The following ACAP1 variants were observed in gnomAD, a reference collection of about 807,000 sequenced individuals.
ACAP1 encodes the protein ArfGAP with coiled-coil, ankyrin repeat and PH domains 1, also known as arf-GAP with coiled-coil, ANK repeat and PH domain-containing protein 1.
ACAP1 carries 45 observed loss-of-function variants against 98.8 expected under a neutral mutation model. That is an observed-to-expected ratio of 0.46 (90% confidence interval 0.36 to 0.58). The LOEUF (loss-of-function observed/expected upper bound fraction) is 0.58. Ranked by LOEUF, ACAP1 falls within the 20% of genes least tolerant of loss-of-function variation. The pLI is 0.00. For synonymous variants in ACAP1, 362 were observed against 375.3 expected, an observed-to-expected ratio of 0.96 and a Z score of 0.41; for missense variants, 735 against 971.4, an observed-to-expected ratio of 0.76 and a Z score of 3.24.
rs201365920 is a variant in ACAP1, at chr17:7,346,358, G to C, written c.907-33G>C. The C allele has an allele frequency of 1.2e-5, 20 of 1,613,862 alleles. No individual in the cohort carries two copies. The East Asian group carries it at 4.2e-4, about 34-fold the overall frequency. On this transcript the variant is annotated intron_variant, in intron 11 of 21. Coordinates refer to ENST00000158762, the MANE Select transcript of ACAP1 (RefSeq NM_014716.4). ...GAGACTCAGCTCTTGCCTGCAGCTG[G>C]ACATCTGGCCCCTTATCACCTTATC... is the stretch of plus-strand genomic sequence containing the variant.
Position 7,350,295 on chromosome 17 carries a change from C to CGA in ACAP1, c.2072+58_2072+59insGA. On this transcript the variant is annotated intron_variant, in intron 20 of 21. Coordinates refer to ENST00000158762, the MANE Select transcript of ACAP1 (RefSeq NM_014716.4). The surrounding 1 kb of genome is among the most constrained non-coding windows in gnomAD (Gnocchi z 4.6). ...GGGACTCCCCCCACCCCCGCCCACCCACGTTCGGGCGGGCGGGCGGGGCTG... is the reference window on the plus strand; with the variant it reads ...GGGACTCCCCCCACCCCCGCCCACCCGAACGTTCGGGCGGGCGGGCGGGGCTG... 7.0e-7 allele frequency: 1 copy of CGA among 1,431,756 alleles called. No homozygotes were observed. Among genetic ancestry groups the CGA allele is most frequent in the Non-Finnish European group, 9.7e-7 (1 of 1,031,300 alleles). 88.7% of individuals were successfully genotyped at this position (1,431,756 alleles called of 1,614,324 possible).
In ACAP1 at chr17:7,350,354, G is replaced by T; in HGVS notation, c.2072+117G>T. The T allele has an allele frequency of 1.2e-6, 1 of 831,250 alleles. No homozygotes were observed. The highest frequency in any genetic ancestry group is 1.7e-5 in the African/African-American group (1 of 57,996). The allele number at this position is 831,250 out of a possible 1,614,324, so 51.5% of individuals were successfully genotyped here. A position where few individuals can be genotyped will look rare whatever the true frequency, so the allele number is the denominator to read the frequency against. On this transcript the variant is annotated intron_variant, in intron 20 of 21. Transcript: ENST00000158762. This position sits in a 1 kb window ranked among gnomAD's most constrained non-coding sequence, Gnocchi z 4.6. ...ACAGAAGCCTGTGCTGTGGGGCCTCGGAAAGGGGCTGGGCCAGCGCCGGGG... is the reference window on the plus strand; with the variant it reads ...ACAGAAGCCTGTGCTGTGGGGCCTCTGAAAGGGGCTGGGCCAGCGCCGGGG...
In ACAP1 at chr17:7,344,149, C is replaced by A. The variant is rs1183297034; in HGVS notation, c.744+26C>A. On this transcript the variant is annotated intron_variant, in intron 9 of 21. Transcript: ENST00000158762. This position sits in a 1 kb window ranked among gnomAD's most constrained non-coding sequence, Gnocchi z 4.9. ...GTGAGGGGCCAGGTGCGGTGGCCCA[C>A]GACCGTCATCCCAACATGTTGGGAG... 6 of 1,553,028 alleles carry A rather than the reference C, an allele frequency of 3.9e-6. No individual in the cohort carries two copies. The highest frequency in any genetic ancestry group is 5.2e-6 in the Non-Finnish European group (6 of 1,147,584).
Position 7,351,395 on chromosome 17 carries a change from A to G in ACAP1, c.2223A>G (p.Ter741TrpextTer?). 2 of 1,608,416 alleles carry G rather than the reference A, an allele frequency of 1.2e-6. No individual in the cohort carries two copies. The highest frequency in any genetic ancestry group is 1.7e-6 in the Non-Finnish European group (2 of 1,177,280). ...GCAGTCATGACCTCCACACGCTGTG[A>G]CCCGAGGCCCACGGGGCCCGCGCCT... ...SRRSHDLHTL* is the reference protein window; with the variant it reads ...SRRSHDLHTLW The change falls in exon 22 of 22, where the codon TGA becomes TGG. Residue 741 changes from the stop codon to tryptophan (W), a stop_lost. Transcript: ENST00000158762.
chr17:7,342,380 T>C (rs377473814), intron 4 of ACAP1, 36 bp from the exon 5 acceptor site: 3 of 1,613,600 alleles, frequency 1.9e-6, no homozygotes, highest in South Asian at 2.2e-5. Context: ...TCACCTGTGG[T>C]CCTGACCCCA....
chr17:7,343,987 G>C lies in ACAP1; in HGVS notation c.669+31G>C. On this transcript the variant is annotated intron_variant, in intron 8 of 21. Transcript: ENST00000158762. This position sits in a 1 kb window ranked among gnomAD's most constrained non-coding sequence, Gnocchi z 4.9. ...GCCCCAGGGCACAGCAGGTGGTAGA[G>C]GGAGGTTAGGGACTCCTAACTGGGG... 1 of 1,574,496 alleles carries C rather than the reference G, an allele frequency of 6.4e-7. No homozygotes were observed. Among genetic ancestry groups the C allele is most frequent in the Non-Finnish European group, 8.6e-7 (1 of 1,159,360 alleles).
Position 7,337,313 on chromosome 17 carries a change from G to A in ACAP1, c.55G>A (p.Ala19Thr), listed in dbSNP as rs140252396. 1.2e-4 allele frequency: 190 copies of A among 1,614,040 alleles called. No homozygotes were observed. In the African/African-American group the frequency reaches 1.8e-3, roughly 15 times the overall value. ...TTCCCATGACCCCCTCTTTCCCAGA[G>A]CCTCTATTGAGCTGGTGGAAGCCGA... ...ECLKDSPRFR[A>T]SIELVEAEVS... Residue 19 changes from alanine to threonine, a missense_variant and splice_region_variant, in exon 2 of 22, where the codon GCC (alanine) becomes ACC (threonine). Physicochemically the swap from Ala to Thr is moderately conservative, Grantham distance 58. Coordinates refer to ENST00000158762, the MANE Select transcript of ACAP1 (RefSeq NM_014716.4).
chr17:7,336,613 C>T lies in ACAP1; in HGVS notation c.-122C>T. 9.7e-7 allele frequency: 1 copy of T among 1,034,474 alleles called. No homozygotes were observed. Among genetic ancestry groups the T allele is most frequent in the Non-Finnish European group, 1.5e-6 (1 of 668,164 alleles). 64.1% of individuals were successfully genotyped at this position (1,034,474 alleles called of 1,614,324 possible). On this transcript the variant is annotated 5_prime_UTR_variant, in exon 1 of 22. Transcript: ENST00000158762. ...AAAGAATTGTGCCCCCAGGCCCTTC[C>T]CCGCGGAGGTCCCTCTCCTCCTTCC...
In ACAP1 at chr17:7,344,721, C is replaced by T; in HGVS notation, c.854+73C>T. 1 of 1,135,266 alleles carries T rather than the reference C, an allele frequency of 8.8e-7. No individual in the cohort carries two copies. Among genetic ancestry groups the T allele is most frequent in the Non-Finnish European group, 1.3e-6 (1 of 775,364 alleles). The allele number at this position is 1,135,266 out of a possible 1,614,324, so 70.3% of individuals were successfully genotyped here. ...TTTCGAGTGGTAATAGCACACTAAG[C>T]ACTGCAAGGAAAAACAGACGAACCC... On this transcript the variant is annotated intron_variant, in intron 10 of 21. Coordinates refer to ENST00000158762, the MANE Select transcript of ACAP1 (RefSeq NM_014716.4). The surrounding 1 kb of genome is among the most constrained non-coding windows in gnomAD (Gnocchi z 4.9).
At chr17:7,349,924 C>T (rs779195821) in intron 18 of ACAP1, 21 bp from the exon 19 acceptor site, 1 of 1,576,336 alleles carries the variant, frequency 6.3e-7, no homozygotes, top group South Asian at 1.1e-5. Flanking sequence ...CTCAACCCCC[C>T]TTCTCGACTT....
chr17:7,343,425 G>A lies in ACAP1; in HGVS notation c.391G>A (p.Ala131Thr), dbSNP rs912950671. The change falls in exon 6 of 22, where the codon GCT (alanine) becomes ACT (threonine). Residue 131 changes from alanine to threonine, a missense_variant. Ala to Thr is a moderately conservative substitution (Grantham distance 58). Around this residue, in one of 5 missense-constraint regions of ACAP1, gnomAD observed 430 missense variants for 531.8 expected, o/e 0.81. Coordinates refer to ENST00000158762, the MANE Select transcript of ACAP1 (RefSeq NM_014716.4). The surrounding 1 kb of genome is among the most constrained non-coding windows in gnomAD (Gnocchi z 4.9). ...REARRDFWRG[A>T]ESLEAALTHN... ...GGCTCGCCGGGATTTCTGGCGGGGG[G>A]CTGAGAGCCTGGAGGCTGCCCTGAC... 1 of 1,613,874 alleles carries A rather than the reference G, an allele frequency of 6.2e-7. No homozygotes were observed. The highest frequency in any genetic ancestry group is 1.3e-5 in the African/African-American group (1 of 75,028).
At chr17:7,348,943 C>T (rs2073375309) in intron 17 of ACAP1, 52 bp from the exon 18 acceptor site, 13 of 1,557,236 alleles carry the variant, frequency 8.3e-6, no homozygotes, top group Non-Finnish European at 1.1e-5. Context: ...TGAGGGTTTT[C>T]TTCCCAGACT....
Position 7,350,386 on chromosome 17 carries a change from T to C in ACAP1, c.2072+149T>C. On this transcript the variant is annotated intron_variant, in intron 20 of 21. Coordinates refer to ENST00000158762, the MANE Select transcript of ACAP1 (RefSeq NM_014716.4). The surrounding 1 kb of genome is among the most constrained non-coding windows in gnomAD (Gnocchi z 4.6). The stretch of plus-strand genomic sequence containing the variant: ...GGCTGGGCCAGCGCCGGGGCCAGGC[T>C]CGAGAAAGGCTGCGCGAAGTGTGCA... 1.5e-6 allele frequency: 1 copy of C among 659,940 alleles called. No individual in the cohort carries two copies. Among genetic ancestry groups the C allele is most frequent in the East Asian group, 2.8e-5 (1 of 36,104 alleles). 40.9% of individuals were successfully genotyped at this position (659,940 alleles called of 1,614,324 possible). A position where few individuals can be genotyped will look rare whatever the true frequency, so the allele number is the denominator to read the frequency against.
intron 2 of ACAP1, among the ~76,000 whole-genome samples, chr17:7,338,093 C>T (rs1407616786): frequency 6.6e-6 from 1 of 152,094 alleles, no homozygotes; most frequent in Non-Finnish European, 1.5e-5. Context: ...CCCCTTACTT[C>T]GCTTTACTTT....
chr17:7,340,515 T>C (rs1301805243), intron 2 of ACAP1, among the ~76,000 whole-genome samples: 1 of 152,130 alleles, frequency 6.6e-6, no homozygotes, highest in Non-Finnish European at 1.5e-5. Flanking sequence ...CCTTGTACCT[T>C]GTCACAGACA....
Position 7,343,321 on chromosome 17 carries a change from T to C in ACAP1, c.345-58T>C. 1 of 1,536,148 alleles carries C rather than the reference T, an allele frequency of 6.5e-7. No individual in the cohort carries two copies. The highest frequency in any genetic ancestry group is 1.2e-5 in the South Asian group (1 of 82,878). On this transcript the variant is annotated intron_variant, in intron 5 of 21. Coordinates refer to ENST00000158762, the MANE Select transcript of ACAP1 (RefSeq NM_014716.4). This position sits in a 1 kb window ranked among gnomAD's most constrained non-coding sequence, Gnocchi z 4.9. ...GGACATGAGGGCTTTACCCTGGGAA[T>C]GCTCTGCTGGGGCAGGTGGGTGTTA...
Position 7,343,849 on chromosome 17 carries a change from C to G in ACAP1, c.574-12C>G. ...CTTCCTCAGCCTTCCCACTGCCCGC[C>G]TTGTCCCCCAGGTGCTGCGTTTGGT... On this transcript the variant is annotated splice_polypyrimidine_tract_variant and intron_variant, in intron 7 of 21. Coordinates refer to ENST00000158762, the MANE Select transcript of ACAP1 (RefSeq NM_014716.4). This position sits in a 1 kb window ranked among gnomAD's most constrained non-coding sequence, Gnocchi z 4.9. 1 of 1,614,054 alleles carries G rather than the reference C, an allele frequency of 6.2e-7. No homozygotes were observed. The highest frequency in any genetic ancestry group is 8.5e-7 in the Non-Finnish European group (1 of 1,179,954).
intron 18 of ACAP1, chr17:7,349,382 T>TTC: frequency 4.6e-6 from 2 of 436,536 alleles, no homozygotes; most frequent in Non-Finnish European, 8.1e-6. Flanking sequence ...CAGGAGACTT[T>TTC]TTTTTTTTTT....
At chr17:7,342,832 C>T (rs905580518) in intron 5 of ACAP1, 2 of 333,374 alleles carry the variant, frequency 6.0e-6, no homozygotes, top group Admixed American at 4.7e-5. Flanking sequence ...CATTTGAACC[C>T]AGGAGGTGGA....
Sources: gnomAD v4.1 joint callset for allele counts (sites outside exome capture counted in the v4.1 genomes callset) on GRCh38, gnomAD v4.1.1 for gene constraint, gnomAD v4.1.1 regional missense constraint, Gnocchi (gnomAD v3.1) non-coding constraint, MANE v1.5 for transcripts, NCBI Gene and HGNC (gene_info 2026-07-23, HGNC 2026-07-21) for gene names.